ADNP: variants seen among roughly 807,000 people sequenced by gnomAD.
ADNP encodes activity dependent neuroprotector homeobox, also known as activity-dependent neuroprotector homeobox protein.
ADNP carries 4 observed loss-of-function variants against 84.9 expected under a neutral mutation model. The ratio of observed to expected loss-of-function variants is 0.05; its 90% CI spans 0.02 to 0.11. The LOEUF is 0.11. Among genes scored for constraint, ADNP ranks in the 10% least tolerant of loss-of-function variants. The pLI is 1.00. For synonymous variants in ADNP, 554 were observed against 468.1 expected, an observed-to-expected ratio of 1.18 and a Z score of -2.37; for missense variants, 1,132 against 1,326.0, an observed-to-expected ratio of 0.85 and a Z score of 2.27.
Position 50,893,481 on chromosome 20 carries a change from GGAA to G in ADNP, c.1230_1232del (p.Ser411del), listed in dbSNP as rs747204324. The stretch of plus-strand genomic sequence containing the variant: ...CTCTGGATGCCTGTGACTGAGAGAG[GGAA>G]GGAGACTTTAACTGGCCCGATGAGA... On this transcript the variant is annotated inframe_deletion, in exon 6 of 6. Coordinates refer to ENST00000621696, the MANE Select transcript of ADNP (RefSeq NM_001282531.3). The surrounding 1 kb of genome is among the most constrained non-coding windows in gnomAD (Gnocchi z 4.4). 6.2e-7 allele frequency: 1 copy of G among 1,613,830 alleles called. No individual in the cohort carries two copies. Among genetic ancestry groups the G allele is most frequent in the Non-Finnish European group, 8.5e-7 (1 of 1,180,042 alleles).
At position 50,893,092 on chromosome 20, in the gene ADNP, C is replaced by A; in HGVS notation, c.1622G>T (p.Gly541Val). ...MRMVHIDEEM[G>V]PKTDSTLSFD... ...ACTCAAAGTAGAATCTGTTTTAGGT[C>A]CCATCTCTTCATCAATGTGAACCAT... The change falls in exon 6 of 6, where the codon GGA (glycine) becomes GTA (valine). Residue 541 changes from glycine (G) to valine (V), a missense_variant. Physicochemically the swap from Gly to Val is moderately radical, Grantham distance 109 (BLOSUM62 -3). Transcript: ENST00000621696. The surrounding 1 kb of genome is among the most constrained non-coding windows in gnomAD (Gnocchi z 4.4). The A allele has an allele frequency of 6.2e-7, 1 of 1,614,226 alleles. No individual in the cohort carries two copies. Among genetic ancestry groups the A allele is most frequent in the African/African-American group, 1.3e-5 (1 of 75,052 alleles).
chr20:50,913,848 A>G, intron 2 of ADNP: 1 of 558,490 alleles, frequency 1.8e-6, no homozygotes, highest in East Asian at 3.8e-5. Context: ...CCAGGACAGA[A>G]GTGCATTGCA....
At chr20:50,918,662 T>C (rs1983697562) in intron 2 of ADNP, among the ~76,000 whole-genome samples, 1 of 152,212 alleles carries the variant, frequency 6.6e-6, no homozygotes, top group South Asian at 2.1e-4. Context: ...TTCAACTACC[T>C]TGTTTTGCAA....
intron 2 of ADNP, among the ~76,000 whole-genome samples, chr20:50,925,292 T>A (rs902414872): frequency 1.9e-4 from 19 of 99,880 alleles, no homozygotes; most frequent in Non-Finnish European, 3.3e-4. Flanking sequence ...ACACACACAC[T>A]ACATAATCAA....
At chr20:50,930,658 C>A (rs1195317158) in intron 1 of ADNP, among the ~76,000 whole-genome samples, 168 bp downstream of exon 1, 2 of 151,884 alleles carry the variant, frequency 1.3e-5, no homozygotes, top group African/African-American at 4.8e-5. Flanking sequence ...ACGGGGGACC[C>A]GTCGGCGCCG....
At chr20:50,927,213 T>C (rs1984347619) in intron 2 of ADNP, among the ~76,000 whole-genome samples, 1 of 152,108 alleles carries the variant, frequency 6.6e-6, no homozygotes, top group African/African-American at 2.4e-5. Context: ...AAAGATAAAC[T>C]TAAGCAAAGC....
chr20:50,912,547 G>GA (rs1437047487), intron 2 of ADNP, among the ~76,000 whole-genome samples: 2 of 152,022 alleles, frequency 1.3e-5, no homozygotes, highest in East Asian at 3.9e-4. Flanking sequence ...CAGGTTGAAA[G>GA]AAAAAAAGGT....
At chr20:50,915,227 G>C (rs770563722) in intron 2 of ADNP, among the ~76,000 whole-genome samples, 11 of 152,064 alleles carry the variant, frequency 7.2e-5, no homozygotes, top group Middle Eastern at 3.4e-3. Flanking sequence ...TTTAATACCT[G>C]TCTATATCAC....
chr20:50,909,337 T>C (rs1308401809), intron 2 of ADNP, among the ~76,000 whole-genome samples: 3 of 104,532 alleles, frequency 2.9e-5, no homozygotes, highest in African/African-American at 3.8e-5. Context: ...CACTCCAGCC[T>C]GTGGGCGACA....
rs1260600575 is a variant in ADNP, at chr20:50,889,669, GTGAC to G, written c.*1732_*1735del. 13 of 387,178 alleles carry G rather than the reference GTGAC, an allele frequency of 3.4e-5. No individual in the cohort carries two copies. Among genetic ancestry groups the G allele is most frequent in the Non-Finnish European group, 5.5e-5 (12 of 219,550 alleles). The allele number at this position is 387,178 out of a possible 1,614,324, so 24.0% of individuals were successfully genotyped here. ...ACTTCTTTAGGCCACTATCCTTGAG[GTGAC>G]TGACCAGCCTCCTCATGGATTGGAG... On this transcript the variant is annotated 3_prime_UTR_variant, in exon 6 of 6. Coordinates refer to ENST00000621696, the MANE Select transcript of ADNP (RefSeq NM_001282531.3).
At chr20:50,910,874 C>CA (rs1982960806) in intron 2 of ADNP, among the ~76,000 whole-genome samples, 1 of 152,036 alleles carries the variant, frequency 6.6e-6, no homozygotes, top group South Asian at 2.1e-4. Flanking sequence ...GGCTGGTCTC[C>CA]AACTCTTGAG....
Position 50,891,751 on chromosome 20 carries a change from G to C in ADNP, c.2963C>G (p.Thr988Ser). ...CCAGGTTCCTGGTTTCATTTCGCAG[G>C]TATTGTCCTCAAAGTCTGACACTTG... is the stretch of plus-strand genomic sequence containing the variant. ...SQQVSDFEDNTCEMKPGTWSD... is the reference protein window; with the variant it reads ...SQQVSDFEDNSCEMKPGTWSD... Residue 988 changes from threonine to serine, a missense_variant, in exon 6 of 6, where the codon ACC becomes AGC. By Grantham distance (58) the Thr-to-Ser change is moderately conservative. This residue lies in a region of ADNP where 381 missense variants were observed against 319.9 expected (regional missense o/e 1.19). Transcript: ENST00000621696. 1.2e-6 allele frequency: 2 copies of C among 1,614,112 alleles called. No individual in the cohort carries two copies. The highest frequency in any genetic ancestry group is 1.3e-5 in the African/African-American group (1 of 75,018).
chr20:50,914,664 C>T (rs1462049267), intron 2 of ADNP, among the ~76,000 whole-genome samples: 1 of 151,968 alleles, frequency 6.6e-6, no homozygotes, highest in Non-Finnish European at 1.5e-5. Flanking sequence ...GATTCCGTGG[C>T]TGTTGTTAAT....
chr20:50,918,158 AAC>A (rs753720400), intron 2 of ADNP, among the ~76,000 whole-genome samples: 31 of 151,916 alleles, frequency 2.0e-4, no homozygotes, highest in Admixed American at 2.6e-4. Context: ...ATTAAAAATA[AAC>A]ACATTCTTTT....
chr20:50,907,704 C>T (rs956710312), intron 2 of ADNP, among the ~76,000 whole-genome samples: 1 of 151,932 alleles, frequency 6.6e-6, no homozygotes, highest in African/African-American at 2.4e-5. Flanking sequence ...CACCTCAGCC[C>T]CACCAGCTGG....
At chr20:50,918,701 T>G (rs57934815) in intron 2 of ADNP, among the ~76,000 whole-genome samples, 39,638 of 152,086 alleles carry the variant, frequency 0.26, 5,313 homozygotes, top group Admixed American at 0.27. Flanking sequence ...AGAGAAAAGA[T>G]CTTCAGAGAA....
Position 50,894,255 on chromosome 20 carries a change from T to C in ADNP, c.459A>G (p.Lys153=). Reference sequence around the variant, plus strand: ...GCTCTACACTGTCAGCCTGCTTAGGTTTAAGGCCATCATTTTTGTTTTTAT... The same window carrying C: ...GCTCTACACTGTCAGCCTGCTTAGGCTTAAGGCCATCATTTTTGTTTTTAT... ...FKDKNKNDGL[K]PKQADSVEQA... The change falls in exon 6 of 6, where the codon AAA becomes AAG. Residue 153 remains lysine, a synonymous_variant. Transcript: ENST00000621696. 1.9e-6 allele frequency: 3 copies of C among 1,614,022 alleles called. No homozygotes were observed. The highest frequency in any genetic ancestry group is 2.2e-5 in the East Asian group (1 of 44,878).
chr20:50,930,745 G>A (rs1984672261), intron 1 of ADNP, 81 bp downstream of exon 1: 1 of 151,856 alleles, frequency 6.6e-6, no homozygotes, highest in Non-Finnish European at 1.5e-5. Flanking sequence ...GGGCCAGGCT[G>A]CACTGGCGGC....
At chr20:50,904,276 TG>T (rs1982269859) in intron 3 of ADNP, 4 of 356,022 alleles carry the variant, frequency 1.1e-5, no homozygotes, top group Non-Finnish European at 2.1e-5. Context: ...TTGACTGCAG[TG>T]CACTCACGAT....
Sources: gnomAD v4.1 joint callset for allele counts (sites outside exome capture counted in the v4.1 genomes callset) on GRCh38, gnomAD v4.1.1 for gene constraint, gnomAD v4.1.1 regional missense constraint, Gnocchi (gnomAD v3.1) non-coding constraint, MANE v1.5 for transcripts, NCBI Gene and HGNC (gene_info 2026-07-23, HGNC 2026-07-21) for gene names.